Variants in ADAR observed in about 807,000 individuals in gnomAD.
The protein encoded by ADAR is adenosine deaminase RNA specific, also known as double-stranded RNA-specific adenosine deaminase.
Under a neutral mutation model 113.2 loss-of-function variants are expected in ADAR, and 41 were observed. That is an observed-to-expected ratio of 0.36 (90% CI 0.28 to 0.47). The LOEUF (loss-of-function observed/expected upper bound fraction) is 0.47, where lower values mean the gene tolerates loss of function less well. Ranked by LOEUF, ADAR falls within the 20% of genes least tolerant of loss-of-function variation. The probability of loss-of-function intolerance (pLI) is 1.00; values close to 1 mark genes in which losing one functional copy is unlikely to be tolerated. For missense variants in ADAR, 1,242 were observed against 1,540.9 expected (o/e 0.81, Z 3.25); for synonymous variants, 605 against 572.6 (o/e 1.06, Z -0.81).
chr1:154,590,071 G>A (rs1228935525), intron 7 of ADAR, 113 bp downstream of exon 7: 36 of 1,483,774 alleles, frequency 2.4e-5, no homozygotes, highest in Middle Eastern at 2.1e-4. Context: ...CTGCTCTCTC[G>A]AGGCTAAGAG....
At chr1:154,612,448 C>T (rs1278949871), upstream of ADAR, among the ~76,000 whole-genome samples, 1 of 150,890 alleles carries the variant, frequency 6.6e-6, no homozygotes, top group East Asian at 2.0e-4. Flanking sequence ...CTGCCTCAGC[C>T]TCCCGAGTGG....
chr1:154,623,958 G>A (rs1007368552), intron 1 of ADAR, among the ~76,000 whole-genome samples: 1 of 151,570 alleles, frequency 6.6e-6, no homozygotes, highest in Non-Finnish European at 1.5e-5. Flanking sequence ...AGCCAAGATC[G>A]TGCCACTGCA....
exon 1 of ADAR, chr1:154,627,914 A>ACCCCCCCCCCCCCCCCCCCCCCCCCC: frequency 1.5e-5 from 7 of 463,314 alleles, no homozygotes; most frequent in African/African-American, 2.5e-5. Context: ...TGCGGCCGCG[A>ACCCCCCCCCCCCCCCCCCCCCCCCCC]CCCTCCCCCC....
chr1:154,585,639 G>A, intron 13 of ADAR, 114 bp downstream of exon 13: 4 of 1,002,330 alleles, frequency 4.0e-6, no homozygotes, highest in Non-Finnish European at 6.2e-6. Context: ...GTTCCCTTGT[G>A]GGCTACCACT....
chr1:154,589,438 G>T lies in ADAR; in HGVS notation c.2693C>A (p.Ser898Tyr), dbSNP rs1424630296. The T allele has an allele frequency of 3.1e-6, 5 of 1,613,958 alleles. No individual in the cohort carries two copies. Among genetic ancestry groups the T allele is most frequent in the Non-Finnish European group, 3.4e-6 (4 of 1,179,838 alleles). Reference sequence around the variant, plus strand: ...GACAGTTTCTCCTTTTAGGCTGAGAGAATCTCCTTTCACACAGCGATTCCC... The same window carrying T: ...GACAGTTTCTCCTTTTAGGCTGAGATAATCTCCTTTCACACAGCGATTCCC... ...GTGNRCVKGDSLSLKGETVND... is the reference protein window; with the variant it reads ...GTGNRCVKGDYLSLKGETVND... Residue 898 changes from serine (S) to tyrosine (Y), a missense_variant, in exon 9 of 15, where the codon TCT (serine) becomes TAT (tyrosine). Physicochemically the swap from Ser to Tyr is moderately radical, Grantham distance 144. This residue lies in a region of ADAR where 780 missense variants were observed against 1,057.9 expected (regional missense o/e 0.74). Transcript: ENST00000368474.
intron 9 of ADAR, among the ~76,000 whole-genome samples, 170 bp from the exon 10 acceptor site, chr1:154,588,843 T>C (rs1319195940): frequency 1.3e-5 from 2 of 152,250 alleles, no homozygotes; most frequent in South Asian, 4.1e-4. Flanking sequence ...TCATAAAGCA[T>C]AGTTAGCCTT....
chr1:154,597,364 T>C (rs1178049762), intron 4 of ADAR, 97 bp from the exon 5 acceptor site: 3 of 1,417,644 alleles, frequency 2.1e-6, no homozygotes, highest in Non-Finnish European at 2.9e-6. Context: ...TACTGGTAAT[T>C]TCCTTGAACA....
chr1:154,608,092 C>A lies in ADAR; in HGVS notation c.-86G>T, dbSNP rs1698323235. The A allele has an allele frequency of 2.7e-6, 4 of 1,455,864 alleles. No homozygotes were observed. In the East Asian group the frequency reaches 1.1e-4, roughly 40 times the overall value. The allele number at this position is 1,455,864 out of a possible 1,614,324, so 90.2% of individuals were successfully genotyped here. ...GGGCCGCGCCAGCCCCTCGAGGCCC[C>A]CACGCCTCCGCTACTCCGCACTGGA... On this transcript the variant is annotated 5_prime_UTR_variant, in exon 1 of 15. Transcript: ENST00000368474.
intron 1 of ADAR, among the ~76,000 whole-genome samples, chr1:154,626,229 C>T (rs1401962109): frequency 6.6e-6 from 1 of 151,608 alleles, no homozygotes; most frequent in Admixed American, 6.6e-5. Context: ...ATTGTCCTGC[C>T]TCAGCCTCCC....
intron 1 of ADAR, among the ~76,000 whole-genome samples, chr1:154,617,946 A>C (rs1038442895): frequency 1.5e-4 from 23 of 151,848 alleles, no homozygotes; most frequent in Non-Finnish European, 3.1e-4. Flanking sequence ...ATTCAAGAGG[A>C]TCAACTGAAA....
At chr1:154,585,406 A>C in intron 13 of ADAR, 62 bp from the exon 14 acceptor site, 1 of 1,610,518 alleles carries the variant, frequency 6.2e-7, no homozygotes, top group Non-Finnish European at 8.5e-7. Flanking sequence ...ATTCTGAAGC[A>C]GGGACTCAAG....
At chr1:154,586,012 G>T in intron 12 of ADAR, 147 bp from the exon 13 acceptor site, 2 of 1,170,810 alleles carry the variant, frequency 1.7e-6, no homozygotes, top group Non-Finnish European at 2.5e-6. Flanking sequence ...TCTGACTGGG[G>T]CTACCAGGAT....
intron 1 of ADAR, among the ~76,000 whole-genome samples, chr1:154,616,582 G>T (rs1445770983): frequency 6.6e-6 from 1 of 151,818 alleles, no homozygotes; most frequent in Admixed American, 6.6e-5. Flanking sequence ...ATGATTTCAA[G>T]ACCCCCTCCT....
chr1:154,600,824 C>A, intron 2 of ADAR: 1 of 652,352 alleles, frequency 1.5e-6, no homozygotes, highest in South Asian at 1.9e-5. Context: ...GTCAACCTCC[C>A]CCTTGTTCAG....
chr1:154,604,763 C>A (rs1045344088), intron 1 of ADAR, among the ~76,000 whole-genome samples: 1 of 152,070 alleles, frequency 6.6e-6, no homozygotes, highest in African/African-American at 2.4e-5. Flanking sequence ...GTTTTAAGGA[C>A]CTCTTCTTCC....
Position 154,587,282 on chromosome 1 carries a change from A to G in ADAR, c.3019+843T>C, listed in dbSNP as rs927362547. On this transcript the variant is annotated intron_variant, in intron 11 of 14. Transcript: ENST00000368474. ...TGACTGGCTTTTTTCATTTGGCATC[A>G]AGTTTTCAAGTGCATCCATATTGTA... 3.9e-5 allele frequency among the ~76,000 whole-genome samples: 6 copies of G among 152,198 alleles called. No individual in the cohort carries two copies. In the South Asian group the frequency reaches 1.2e-3, roughly 31 times the overall value.
chr1:154,609,653 C>T (rs12125166), upstream of ADAR, among the ~76,000 whole-genome samples: 62,694 of 151,998 alleles, frequency 0.41, 13,853 homozygotes, highest in East Asian at 0.54. Flanking sequence ...TTGTGGTTTC[C>T]TACTCCATGC....
At chr1:154,613,158 A>G (rs1440891335), upstream of ADAR, among the ~76,000 whole-genome samples, 3 of 152,010 alleles carry the variant, frequency 2.0e-5, no homozygotes, top group Non-Finnish European at 2.9e-5. Flanking sequence ...CAGTAAACCC[A>G]CTTGCTTTGA....
At chr1:154,585,132 C>T (rs1199174569) in intron 14 of ADAR, 85 bp downstream of exon 14, 4 of 1,613,356 alleles carry the variant, frequency 2.5e-6, no homozygotes, top group Non-Finnish European at 3.4e-6. Context: ...AGGCGGCTCT[C>T]AAGCCCTGAG....
Sources: allele counts gnomAD v4.1 joint callset (sites outside exome capture counted in the v4.1 genomes callset), GRCh38; gene constraint gnomAD v4.1.1; regional missense constraint gnomAD v4.1.1; transcripts MANE v1.5; gene names NCBI Gene and HGNC (gene_info 2026-07-23, HGNC 2026-07-21).